The following ARHGAP29 variants were observed in gnomAD, a reference collection of about 807,000 sequenced individuals.
ARHGAP29 encodes the protein Rho GTPase activating protein 29.
A neutral mutation model predicts 122.6 loss-of-function variants in ARHGAP29; 43 were observed. That is an observed-to-expected ratio of 0.35 (90% CI 0.27 to 0.45). The LOEUF (loss-of-function observed/expected upper bound fraction) is 0.45, where lower values mean the gene tolerates loss of function less well. ARHGAP29 is among the 20% of genes least tolerant of loss of function. The pLI, the probability that ARHGAP29 is intolerant of heterozygous loss-of-function variation, is 1.00. For missense variants in ARHGAP29, 1,303 were observed against 1,477.2 expected, an observed-to-expected ratio of 0.88 and a Z score of 1.93; for synonymous variants, 506 against 497.1, an observed-to-expected ratio of 1.02 and a Z score of -0.24.
At chr1:94,294,222 A>ATT in the ARHGAP29 span, among the ~76,000 whole-genome samples, 2 of 152,288 alleles carry the variant, frequency 1.3e-5, no homozygotes, top group East Asian at 3.9e-4. Context: ...GGTATTGGTC[A>ATT]GACATGCAGC....
chr1:94,184,638 C>T (rs1168265852), intron 18 of ARHGAP29, among the ~76,000 whole-genome samples: 1 of 151,568 alleles, frequency 6.6e-6, no homozygotes, highest in Non-Finnish European at 1.5e-5. Flanking sequence ...CCTGTGGTCC[C>T]AGCTACTCAG....
chr1:94,294,108 A>G, the ARHGAP29 span, among the ~76,000 whole-genome samples: 4 of 152,288 alleles, frequency 2.6e-5, no homozygotes, highest in Admixed American at 1.3e-4. Context: ...AAGACCAAAT[A>G]TATGTTTCAC....
Position 94,203,960 on chromosome 1 carries a change from T to C in ARHGAP29, c.732A>G (p.Ala244=), listed in dbSNP as rs775406620. 2 of 1,613,972 alleles carry C rather than the reference T, an allele frequency of 1.2e-6. No individual in the cohort carries two copies. The highest frequency in any genetic ancestry group is 2.2e-5 in the South Asian group (2 of 91,070). Residue 244 remains alanine, a synonymous_variant, in exon 8 of 23, where the codon GCA becomes GCG. Coordinates refer to ENST00000260526, the MANE Select transcript of ARHGAP29 (RefSeq NM_004815.4). ...TTCCAATGTTAGTTCTAGTTGCCTC[T>C]GCCAACTTGACCATATTTCTAGTGG... The part of the protein sequence containing the change: ...LESTRNMVKL[A]EATRTNIGIQ...
chr1:94,256,543 T>TTA (rs1654357861), intron 1 of ARHGAP29, among the ~76,000 whole-genome samples: 1 of 43,380 alleles, frequency 2.3e-5, no homozygotes, highest in African/African-American at 7.2e-5. Flanking sequence ...AATCTTTTTT[T>TTA]TTTTTTTTTT....
chr1:94,199,654 G>A (rs947603288), intron 12 of ARHGAP29, among the ~76,000 whole-genome samples: 5 of 152,054 alleles, frequency 3.3e-5, no homozygotes, highest in African/African-American at 9.7e-5. Flanking sequence ...ACCAAACAAC[G>A]GGAGACCATC....
intron 12 of ARHGAP29, chr1:94,191,806 A>G (rs1339118734): frequency 6.6e-6 from 1 of 152,226 alleles, no homozygotes; most frequent in Non-Finnish European, 1.5e-5. Flanking sequence ...AAGTAATGGC[A>G]ATATGACTGG....
intron 2 of ARHGAP29, among the ~76,000 whole-genome samples, chr1:94,223,236 C>G (rs1652424426): frequency 1.3e-5 from 2 of 152,158 alleles, no homozygotes; most frequent in African/African-American, 2.4e-5. Context: ...GAGCCACCGC[C>G]CCTGGCCTAT....
At chr1:94,193,132 T>G (rs1650227654) in intron 12 of ARHGAP29, 1 of 152,024 alleles carries the variant, frequency 6.6e-6, no homozygotes, top group Non-Finnish European at 1.5e-5. Context: ...GGAAAATTTA[T>G]TGCTGAAAAA....
intron 1 of ARHGAP29, among the ~76,000 whole-genome samples, chr1:94,269,815 A>C (rs76134670): frequency 9.8e-4 from 149 of 152,302 alleles, no homozygotes; most frequent in African/African-American, 2.9e-3. Context: ...ACATAAAGTC[A>C]ACAATTGAAT....
the ARHGAP29 span, among the ~76,000 whole-genome samples, chr1:94,298,503 A>G: frequency 1.4e-4 from 21 of 152,202 alleles, no homozygotes; most frequent in Non-Finnish European, 2.6e-4. Context: ...GATTACCTGT[A>G]TTCAAGTGGT....
rs1227994912 is a variant in ARHGAP29 at position 94,171,718 on chromosome 1, A to G, written c.*2151T>C. On this transcript the variant is annotated 3_prime_UTR_variant, in exon 23 of 23. Coordinates refer to ENST00000260526, the MANE Select transcript of ARHGAP29 (RefSeq NM_004815.4). ...GCTGGACAAAGTGCCAGGGAGCCCT[A>G]AAGGCAGAAAGGACCCAAAAGTGAA... 1 of 152,220 alleles carries G rather than the reference A, an allele frequency of 6.6e-6. No homozygotes were observed. Among genetic ancestry groups the G allele is most frequent in the East Asian group, 1.9e-4 (1 of 5,194 alleles). 9.4% of individuals were successfully genotyped at this position (152,220 alleles called of 1,614,324 possible).
chr1:94,181,261 G>A (rs1035621749), intron 19 of ARHGAP29, among the ~76,000 whole-genome samples: 1 of 152,162 alleles, frequency 6.6e-6, no homozygotes, highest in African/African-American at 2.4e-5. Flanking sequence ...GATTCTGCTG[G>A]AGCTATCTGA....
upstream of ARHGAP29, among the ~76,000 whole-genome samples, chr1:94,239,568 GAGAA>G (rs779475960): frequency 2.0e-5 from 3 of 151,986 alleles, no homozygotes; most frequent in African/African-American, 4.8e-5. Context: ...AACAATAAAG[GAGAA>G]AGAAAGACAA....
chr1:94,193,836 C>A (rs1650275806), intron 12 of ARHGAP29: 1 of 152,132 alleles, frequency 6.6e-6, no homozygotes, highest in Middle Eastern at 3.2e-3. Flanking sequence ...AAGATGGAAC[C>A]ACTAGAATGC....
intron 2 of ARHGAP29, among the ~76,000 whole-genome samples, chr1:94,226,539 C>A (rs953621447): frequency 2.6e-5 from 4 of 151,936 alleles, no homozygotes; most frequent in African/African-American, 9.6e-5. Flanking sequence ...TGATATATTG[C>A]CACATGGTTG....
chr1:94,276,257 C>CA (rs76216097), upstream of ARHGAP29, among the ~76,000 whole-genome samples: 110 of 128,720 alleles, frequency 8.5e-4, no homozygotes, highest in Admixed American at 8.7e-4. Context: ...GACTCTGTCT[C>CA]AAAAAAAAAA....
chr1:94,180,475 T>A (rs1199669458), intron 19 of ARHGAP29, among the ~76,000 whole-genome samples: 1 of 152,192 alleles, frequency 6.6e-6, no homozygotes, highest in Non-Finnish European at 1.5e-5. Context: ...CTTCTCAAAC[T>A]AACAAAGGGC....
Position 94,171,659 on chromosome 1 carries a change from A to G in ARHGAP29, c.*2210T>C, listed in dbSNP as rs1475513002. On this transcript the variant is annotated 3_prime_UTR_variant, in exon 23 of 23. Transcript: ENST00000260526. ...GAGATACTTGCCTCAGGGCCCCAGG[A>G]AACTAGAAAGCATCTAGAGGCTTAA... 6.6e-6 allele frequency: 1 copy of G among 152,242 alleles called. No individual in the cohort carries two copies. Among genetic ancestry groups the G allele is most frequent in the Admixed American group, 6.5e-5 (1 of 15,284 alleles). The allele number at this position is 152,242 out of a possible 1,614,324, so 9.4% of individuals were successfully genotyped here. A position where few individuals can be genotyped will look rare whatever the true frequency, so the allele number is the denominator to read the frequency against.
In ARHGAP29 at chr1:94,172,959, C is replaced by G. The variant is rs1325890606; in HGVS notation, c.*910G>C. On this transcript the variant is annotated 3_prime_UTR_variant, in exon 23 of 23. Transcript: ENST00000260526. Reference sequence around the variant, plus strand: ...GGTAGAACAAGTACATAAAATGATTCCTAAGTCAAAACATTTCATACAAAA... The same window carrying G: ...GGTAGAACAAGTACATAAAATGATTGCTAAGTCAAAACATTTCATACAAAA... 4 of 152,364 alleles carry G rather than the reference C, an allele frequency of 2.6e-5. No individual in the cohort carries two copies. Among genetic ancestry groups the G allele is most frequent in the Admixed American group, 2.6e-4 (4 of 15,246 alleles). 9.4% of individuals were successfully genotyped at this position (152,364 alleles called of 1,614,324 possible). A position where few individuals can be genotyped will look rare whatever the true frequency, so the allele number is the denominator to read the frequency against.
Sources: allele counts gnomAD v4.1 joint callset (sites outside exome capture counted in the v4.1 genomes callset), GRCh38; gene constraint gnomAD v4.1.1; transcripts MANE v1.5; gene names NCBI Gene and HGNC (gene_info 2026-07-23, HGNC 2026-07-21).